Variants in CCNP observed in about 807,000 individuals in gnomAD.
The protein encoded by CCNP is cyclin P, also known as cyclin-P.
CCNP carries 18 observed loss-of-function variants against 19.6 expected under a neutral mutation model. The ratio of observed to expected loss-of-function variants is 0.92; its 90% confidence interval spans 0.64 to 1.36. The LOEUF is 1.36. Among genes scored for constraint, CCNP ranks in the 40% most tolerant of loss-of-function variants. The probability of loss-of-function intolerance (pLI) is 0.00; values close to 1 mark genes in which losing one functional copy is unlikely to be tolerated. For missense variants in CCNP, 440 were observed against 424.4 expected (o/e 1.04, Z -0.32); for synonymous variants, 228 against 194.9 (o/e 1.17, Z -1.41).
chr19:40,225,848 A>G (rs1362913414), intron 1 of CCNP, among the ~76,000 whole-genome samples: 2 of 152,190 alleles, frequency 1.3e-5, no homozygotes, highest in African/African-American at 4.8e-5. Context: ...CCACAACACA[A>G]GTGTCTCTCA....
rs752122264 is a variant in CCNP, at chr19:40,222,643, G to A, written c.*409C>T. 2.5e-6 allele frequency: 1 copy of A among 398,298 alleles called. No individual in the cohort carries two copies. Among genetic ancestry groups the A allele is most frequent in the Non-Finnish European group, 4.4e-6 (1 of 226,400 alleles). The allele number at this position is 398,298 out of a possible 1,614,324, so 24.7% of individuals were successfully genotyped here. ...CCGTCTTCAACTGGAGTGACTAGGC[G>A]AGCACCGGGGAGAGGTGGACACCCT... On this transcript the variant is annotated 3_prime_UTR_variant, in exon 5 of 5. Transcript: ENST00000430325.
chr19:40,226,402 G>T lies in CCNP; in HGVS notation c.240C>A (p.Tyr80Ter). ...TGACTTCGGCGAAGATGTCCCCGGC[G>T]TACTCGCGTTCTCCCTGCAGCCCCA... ...SALGLQGERE[Y>*]AGDIFAEVMV... The change falls in exon 1 of 5, where the codon TAC becomes TAA. Residue 80 changes from tyrosine to a stop codon, truncating the protein, a stop_gained. Transcript: ENST00000430325. LOFTEE classifies it high-confidence loss of function. The T allele has an allele frequency of 6.2e-7, 1 of 1,607,384 alleles. No homozygotes were observed.
rs1599928309 is a variant in CCNP at position 40,224,863 on chromosome 19, C to T, written c.268-52G>A. The T allele has an allele frequency of 1.0e-5, 15 of 1,463,534 alleles. No individual in the cohort carries two copies. In the South Asian group the frequency reaches 1.8e-4, roughly 18 times the overall value. The allele number at this position is 1,463,534 out of a possible 1,614,324, so 90.7% of individuals were successfully genotyped here. The stretch of plus-strand genomic sequence containing the variant: ...TCTCCACACCTGTGCCTCTGCCTTT[C>T]TCCTGAGCTCCAGCCCTGGATGCAG... On this transcript the variant is annotated intron_variant, in intron 1 of 4. Coordinates refer to ENST00000430325, the MANE Select transcript of CCNP (RefSeq NM_024877.4).
chr19:40,224,181 C>T (rs1973502058), intron 3 of CCNP, among the ~76,000 whole-genome samples: 1 of 152,140 alleles, frequency 6.6e-6, no homozygotes, highest in Admixed American at 6.5e-5. Flanking sequence ...TCTCAAACTC[C>T]TGATCTCAAG....
chr19:40,223,063 C>T lies in CCNP; in HGVS notation c.913G>A (p.Asp305Asn). 1.3e-6 allele frequency: 2 copies of T among 1,531,842 alleles called. No individual in the cohort carries two copies. The highest frequency in any genetic ancestry group is 8.8e-7 in the Non-Finnish European group (1 of 1,132,114). The allele number at this position is 1,531,842 out of a possible 1,614,324, so 94.9% of individuals were successfully genotyped here. The change falls in exon 5 of 5, where the codon GAC becomes AAC. Residue 305 changes from aspartate to asparagine, a missense_variant. By Grantham distance (23) the Asp-to-Asn change is conservative. Coordinates refer to ENST00000430325, the MANE Select transcript of CCNP (RefSeq NM_024877.4). Reference sequence around the variant, plus strand: ...GTGCCACCTCCTCCTCAATAATTGTCTCTCATTCTCCGAGACCGTAAAAAT... The same window carrying T: ...GTGCCACCTCCTCCTCAATAATTGTTTCTCATTCTCCGAGACCGTAAAAAT... ...WSFLRSRRMR[D>N]NY
At position 40,224,831 on chromosome 19, in the gene CCNP, G is replaced by A. The variant is rs755732232; in HGVS notation, c.268-20C>T. 1.3e-6 allele frequency: 2 copies of A among 1,543,046 alleles called. No homozygotes were observed. Among genetic ancestry groups the A allele is most frequent in the African/African-American group, 1.4e-5 (1 of 72,908 alleles). On this transcript the variant is annotated intron_variant, in intron 1 of 4. Transcript: ENST00000430325. ...GCACACCTGGGGTTGGGGCAGGGACGCTTCACTCTCCACACCTGTGCCTCT... is the reference window on the plus strand; with the variant it reads ...GCACACCTGGGGTTGGGGCAGGGACACTTCACTCTCCACACCTGTGCCTCT...
Position 40,223,011 on chromosome 19 carries a change from TCC to T in CCNP, c.*39_*40del. On this transcript the variant is annotated 3_prime_UTR_variant, in exon 5 of 5. Coordinates refer to ENST00000430325, the MANE Select transcript of CCNP (RefSeq NM_024877.4). ...AATGGGGTCCTCCCACCCCATTCTC[TCC>T]CACACCCAGAAAAATCAAGTCTAGG... The T allele has an allele frequency of 1.6e-6, 2 of 1,227,970 alleles. No individual in the cohort carries two copies. 76.1% of individuals were successfully genotyped at this position (1,227,970 alleles called of 1,614,324 possible). A position where few individuals can be genotyped will look rare whatever the true frequency, so the allele number is the denominator to read the frequency against.
intron 3 of CCNP, among the ~76,000 whole-genome samples, chr19:40,223,914 T>C (rs1973497763): frequency 6.6e-6 from 1 of 152,162 alleles, no homozygotes; most frequent in Non-Finnish European, 1.5e-5. Context: ...ATATTATTTT[T>C]ATTTACTTTT....
chr19:40,223,669 TTG>T (rs775204326), intron 3 of CCNP, 123 bp from the exon 4 acceptor site: 1 of 1,412,792 alleles, frequency 7.1e-7, no homozygotes, highest in Non-Finnish European at 9.9e-7. Context: ...GGCCATTGAC[TTG>T]TGTCTGGAAG....
rs1365314782 is a variant in CCNP, at chr19:40,223,046, T to A, written c.*6A>T. 1 of 1,491,064 alleles carries A rather than the reference T, an allele frequency of 6.7e-7. No individual in the cohort carries two copies. Among genetic ancestry groups the A allele is most frequent in the South Asian group, 1.2e-5 (1 of 81,706 alleles). The allele number at this position is 1,491,064 out of a possible 1,614,324, so 92.4% of individuals were successfully genotyped here. A position where few individuals can be genotyped will look rare whatever the true frequency, so the allele number is the denominator to read the frequency against. ...AGAAAAATCAAGTCTAGGTGCCACC[T>A]CCTCCTCAATAATTGTCTCTCATTC... On this transcript the variant is annotated 3_prime_UTR_variant, in exon 5 of 5. Transcript: ENST00000430325.
chr19:40,224,414 G>T, intron 3 of CCNP, 74 bp downstream of exon 3: 1 of 1,526,308 alleles, frequency 6.6e-7, no homozygotes, highest in Non-Finnish European at 9.0e-7. Context: ...ACGGTGCTTG[G>T]CACACAGTAG....
At chr19:40,226,304 A>T in intron 1 of CCNP, 71 bp downstream of exon 1, 1 of 1,349,972 alleles carries the variant, frequency 7.4e-7, no homozygotes, top group Non-Finnish European at 1.0e-6. Context: ...GGGAGTTCAG[A>T]GTGGTGTTGA....
At chr19:40,223,775 C>T in intron 3 of CCNP, 1 of 579,780 alleles carries the variant, frequency 1.7e-6, no homozygotes, top group Non-Finnish European at 3.0e-6. Flanking sequence ...AGGACATTCA[C>T]TTAAGCTCTC....
chr19:40,224,825 A>G lies in CCNP; in HGVS notation c.268-14T>C. 6.5e-7 allele frequency: 1 copy of G among 1,548,232 alleles called. No individual in the cohort carries two copies. The highest frequency in any genetic ancestry group is 8.7e-7 in the Non-Finnish European group (1 of 1,144,988). Reference sequence around the variant, plus strand: ...CACGCGGCACACCTGGGGTTGGGGCAGGGACGCTTCACTCTCCACACCTGT... The same window carrying G: ...CACGCGGCACACCTGGGGTTGGGGCGGGGACGCTTCACTCTCCACACCTGT... On this transcript the variant is annotated splice_polypyrimidine_tract_variant and intron_variant, in intron 1 of 4. Transcript: ENST00000430325.
intron 3 of CCNP, 112 bp from the exon 4 acceptor site, chr19:40,223,658 G>C (rs1427897699): frequency 6.8e-7 from 1 of 1,472,746 alleles, no homozygotes; most frequent in South Asian, 1.2e-5. Context: ...GTGTAAAATG[G>C]GGCCATTGAC....
Position 40,223,414 on chromosome 19 carries a change from CCAGCAGCCCGAGGCA to C in CCNP, c.631_645del (p.Cys211_Leu215del), listed in dbSNP as rs1323347885. ...TGGGGGCTGCTCCCTGCCAGCGCGG[CCAGCAGCCCGAGGCA>C]CAGCAGCGGGCCGGGGTGGTGCAGC... On this transcript the variant is annotated inframe_deletion, in exon 4 of 5. Transcript: ENST00000430325. The C allele has an allele frequency of 1.6e-5, 26 of 1,584,250 alleles. No homozygotes were observed. The highest frequency in any genetic ancestry group is 6.8e-5 in the South Asian group (6 of 88,678).
rs570666778 is a variant in CCNP, at chr19:40,223,487, G to C, written c.573C>G (p.Ala191=). ...CCAGGCGGCTCAGGATGCGACGCTC[G>C]GCGCGCAGCAGCTCCGCCCGTGAGA... ...DSFSRAELLR[A]ERRILSRLDF... is the part of the protein sequence containing the mutation. Residue 191 remains alanine (A), a synonymous_variant, in exon 4 of 5, where the codon GCC becomes GCG. Transcript: ENST00000430325. 6.2e-7 allele frequency: 1 copy of C among 1,610,422 alleles called. No homozygotes were observed. The highest frequency in any genetic ancestry group is 1.7e-5 in the Admixed American group (1 of 59,822).
chr19:40,225,223 C>G (rs559018819), intron 1 of CCNP, among the ~76,000 whole-genome samples: 2 of 152,202 alleles, frequency 1.3e-5, no homozygotes, highest in East Asian at 3.9e-4. Context: ...CCATGCCCGG[C>G]TAATTTTTAT....
rs77283716 is a variant in CCNP at position 40,225,934 on chromosome 19, C to T, written c.267+441G>A. On this transcript the variant is annotated intron_variant, in intron 1 of 4. Transcript: ENST00000430325. The stretch of plus-strand genomic sequence containing the variant: ...AAACTCCTCCCTTCAGTCTTCCTTC[C>T]GCAGCAACCCTCTCATAGGGATATC... 8.5e-3 allele frequency among the ~76,000 whole-genome samples: 1,298 copies of T among 152,316 alleles called. 10 individuals carry two copies. Among genetic ancestry groups the T allele is most frequent in the Middle Eastern group, 0.017 (5 of 294 alleles).
Sources: gnomAD v4.1 joint callset for allele counts (sites outside exome capture counted in the v4.1 genomes callset) on GRCh38, gnomAD v4.1.1 for gene constraint, MANE v1.5 for transcripts, NCBI Gene and HGNC (gene_info 2026-07-23, HGNC 2026-07-21) for gene names.